FAM135B: variants seen among roughly 807,000 people sequenced by gnomAD.
FAM135B encodes protein FAM135B.
Under a neutral mutation model 127.7 loss-of-function variants are expected in FAM135B, and 43 were observed. The observed-to-expected ratio is 0.34, with a 90% CI of 0.26 to 0.43. FAM135B has a LOEUF of 0.43. Ranked by LOEUF, FAM135B falls within the 20% of genes least tolerant of loss-of-function variation. FAM135B has a pLI of 1.00. For synonymous variants in FAM135B, 670 were observed against 665.1 expected (o/e 1.01, Z -0.11); for missense variants, 1,558 against 1,725.6 (o/e 0.90, Z 1.72).
At chr8:138,143,700 A>G (rs1817414134) in intron 15 of FAM135B, among the ~76,000 whole-genome samples, 1 of 152,228 alleles carries the variant, frequency 6.6e-6, no homozygotes, top group South Asian at 2.1e-4. Context: ...TGGTTTCTAT[A>G]ACCTCAAGGA....
intron 7 of FAM135B, among the ~76,000 whole-genome samples, chr8:138,212,470 C>T (rs1818220162): frequency 6.6e-6 from 1 of 152,198 alleles, no homozygotes; most frequent in South Asian, 2.1e-4. Flanking sequence ...CCTTTTCCTG[C>T]AGTCTCACAA....
At chr8:138,182,857 C>T (rs569238363) in intron 9 of FAM135B, among the ~76,000 whole-genome samples, 12 of 152,354 alleles carry the variant, frequency 7.9e-5, no homozygotes, top group Admixed American at 7.2e-4. Flanking sequence ...CTGGGCCCGT[C>T]TCAGATTCTC....
rs1021455843 is a variant in FAM135B, at chr8:138,241,057, G to A, written c.669+1885C>T. Among the ~76,000 whole-genome samples, 6 of 152,058 alleles carry A rather than the reference G, an allele frequency of 3.9e-5. No homozygotes were observed. The highest frequency in any genetic ancestry group is 7.3e-5 in the African/African-American group (3 of 41,318). The stretch of plus-strand genomic sequence containing the variant: ...ACTGAAACTCTGGGTGCCAGCCCAC[G>A]TGGGGGCTGAAGGAAGGAAGACTGG... On this transcript the variant is annotated intron_variant, in intron 7 of 19. Coordinates refer to ENST00000395297, the MANE Select transcript of FAM135B (RefSeq NM_015912.4). This position sits in a 1 kb window ranked among gnomAD's most constrained non-coding sequence, Gnocchi z 4.8.
At chr8:138,277,990 T>G (rs1360839653) in intron 3 of FAM135B, among the ~76,000 whole-genome samples, 4 of 152,098 alleles carry the variant, frequency 2.6e-5, no homozygotes, top group Admixed American at 1.3e-4. Context: ...TAGTGTCACC[T>G]GTTGAATCTT....
In FAM135B at chr8:138,256,768, G is replaced by C. The variant is rs751982969; in HGVS notation, c.298-9C>G. The C allele has an allele frequency of 1.2e-6, 2 of 1,612,150 alleles. No individual in the cohort carries two copies. The highest frequency in any genetic ancestry group is 8.5e-7 in the Non-Finnish European group (1 of 1,178,540). ...CTCAGTGCGTCTTCCATCTGCAAAA[G>C]AAACAAAGTCCAAGGGATTTCAGGA... On this transcript the variant is annotated splice_polypyrimidine_tract_variant and intron_variant, in intron 4 of 19. Transcript: ENST00000395297.
intron 18 of FAM135B, among the ~76,000 whole-genome samples, chr8:138,138,733 C>T (rs1586570263): frequency 6.6e-6 from 1 of 152,236 alleles, no homozygotes; most frequent in Admixed American, 6.5e-5. Flanking sequence ...GTGGAAGCTA[C>T]AGCTTCTGGC....
chr8:138,224,023 G>A (rs1379035489), intron 7 of FAM135B, among the ~76,000 whole-genome samples: 1 of 151,610 alleles, frequency 6.6e-6, no homozygotes, highest in Non-Finnish European at 1.5e-5. Flanking sequence ...AGAAACTGGG[G>A]ATTACTAGAG....
At chr8:138,250,414 C>G (rs1821610506) in intron 6 of FAM135B, among the ~76,000 whole-genome samples, 1 of 152,070 alleles carries the variant, frequency 6.6e-6, no homozygotes, top group Non-Finnish European at 1.5e-5. Flanking sequence ...CAAATAACAA[C>G]TTGGGGAAGA....
At chr8:138,280,454 G>A (rs988927248) in intron 3 of FAM135B, among the ~76,000 whole-genome samples, 17 of 152,206 alleles carry the variant, frequency 1.1e-4, no homozygotes, top group Admixed American at 1.0e-3. Context: ...GGCCACAATC[G>A]GCTGGCCCTT....
At position 138,242,529 on chromosome 8, in the gene FAM135B, T is replaced by C. The variant is rs929893868; in HGVS notation, c.669+413A>G. ...TAACACTCCATGAGATTATTAGCTA[T>C]TGGGGAGCCCACTCTACAGGTGGGA... On this transcript the variant is annotated intron_variant, in intron 7 of 19. Coordinates refer to ENST00000395297, the MANE Select transcript of FAM135B (RefSeq NM_015912.4). This position sits in a 1 kb window ranked among gnomAD's most constrained non-coding sequence, Gnocchi z 9.6. Among the ~76,000 whole-genome samples, 2 of 152,076 alleles carry C rather than the reference T, an allele frequency of 1.3e-5. No individual in the cohort carries two copies. The highest frequency in any genetic ancestry group is 1.5e-5 in the Non-Finnish European group (1 of 68,002).
At position 138,152,763 on chromosome 8, in the gene FAM135B, G is replaced by A. The variant is rs1293280234; in HGVS notation, c.1712C>T (p.Ala571Val). 5 of 1,614,052 alleles carry A rather than the reference G, an allele frequency of 3.1e-6. No individual in the cohort carries two copies. The highest frequency in any genetic ancestry group is 4.2e-6 in the Non-Finnish European group (5 of 1,180,044). ...KNPSRAEPLV[A>V]FNAQHESRSS... ...CCTACTCTCATGCTGAGCATTGAAG[G>A]CCACCAGGGGTTCAGCTCTGGAGGG... is the stretch of plus-strand genomic sequence containing the variant. Residue 571 changes from alanine to valine, a missense_variant, in exon 13 of 20, where the codon GCC becomes GTC. Coordinates refer to ENST00000395297, the MANE Select transcript of FAM135B (RefSeq NM_015912.4).
At chr8:138,428,577 G>A (rs1426055624) in intron 1 of FAM135B, among the ~76,000 whole-genome samples, 2 of 152,078 alleles carry the variant, frequency 1.3e-5, no homozygotes, top group Non-Finnish European at 2.9e-5. Context: ...GTAGCACAGA[G>A]AGGTCAAGCA....
chr8:138,412,297 T>C (rs1021042773), intron 1 of FAM135B, among the ~76,000 whole-genome samples: 1 of 152,190 alleles, frequency 6.6e-6, no homozygotes, highest in Non-Finnish European at 1.5e-5. Flanking sequence ...AGGCAACACA[T>C]TAATTGCAGC....
intron 1 of FAM135B, among the ~76,000 whole-genome samples, chr8:138,462,272 G>C (rs918872667): frequency 3.3e-5 from 5 of 151,898 alleles, no homozygotes; most frequent in Non-Finnish European, 5.9e-5. Flanking sequence ...AGGCCATTTG[G>C]GGACAACACA....
chr8:138,484,705 C>A (rs1814918938), intron 1 of FAM135B, among the ~76,000 whole-genome samples: 1 of 151,970 alleles, frequency 6.6e-6, no homozygotes. Context: ...TCTTTTTCTC[C>A]AACATCCACA....
Position 138,315,375 on chromosome 8 carries a change from T to C in FAM135B, c.78-4455A>G, listed in dbSNP as rs545795322. On this transcript the variant is annotated intron_variant, in intron 2 of 19. Coordinates refer to ENST00000395297, the MANE Select transcript of FAM135B (RefSeq NM_015912.4). ...CCCTTGTATTCTTTTCTGATAAGAA[T>C]GTAAATTGGTATAGCCATTATGAAA... 1.4e-4 allele frequency among the ~76,000 whole-genome samples: 21 copies of C among 152,248 alleles called. 1 individual carries two copies. In the East Asian group the frequency reaches 3.7e-3, roughly 27 times the overall value.
Position 138,241,724 on chromosome 8 carries a change from A to G in FAM135B, c.669+1218T>C, listed in dbSNP as rs1465520280. On this transcript the variant is annotated intron_variant, in intron 7 of 19. Coordinates refer to ENST00000395297, the MANE Select transcript of FAM135B (RefSeq NM_015912.4). This position sits in a 1 kb window ranked among gnomAD's most constrained non-coding sequence, Gnocchi z 4.8. ...GGGCTACTCAGAAATTAGTAGTGAT[A>G]GTTACTATTAATGTGACAGTTACTT... is the stretch of plus-strand genomic sequence containing the variant. 6.6e-6 allele frequency among the ~76,000 whole-genome samples: 1 copy of G among 152,210 alleles called. No homozygotes were observed. The highest frequency in any genetic ancestry group is 1.5e-5 in the Non-Finnish European group (1 of 68,042).
rs1334016411 is a variant in FAM135B, at chr8:138,270,094, C to A, written c.158-4252G>T. Among the ~76,000 whole-genome samples the A allele has an allele frequency of 2.0e-5, 3 of 152,140 alleles. 1 individual carries two copies. Among genetic ancestry groups the A allele is most frequent in the Non-Finnish European group, 4.4e-5 (3 of 68,024 alleles). Reference sequence around the variant, plus strand: ...TGCCTAGCTCACAGGGTCATCGAGCCTTCAATGCCAGGGTAGGGAGGTCCA... The same window carrying A: ...TGCCTAGCTCACAGGGTCATCGAGCATTCAATGCCAGGGTAGGGAGGTCCA... On this transcript the variant is annotated intron_variant, in intron 3 of 19. Transcript: ENST00000395297.
At chr8:138,274,119 C>T (rs1823617961) in intron 3 of FAM135B, among the ~76,000 whole-genome samples, 2 of 152,228 alleles carry the variant, frequency 1.3e-5, no homozygotes, top group South Asian at 2.1e-4. Flanking sequence ...ACTTCCTTGT[C>T]ATTAAATTCC....
Sources: allele counts gnomAD v4.1 joint callset (sites outside exome capture counted in the v4.1 genomes callset), GRCh38; gene constraint gnomAD v4.1.1; non-coding constraint Gnocchi (gnomAD v3.1); transcripts MANE v1.5; gene names NCBI Gene and HGNC (gene_info 2026-07-23, HGNC 2026-07-21).